NELL1: variants seen among roughly 807,000 people sequenced by gnomAD.
NELL1 encodes the protein neural EGFL like 1.
Under a neutral mutation model 107.4 loss-of-function variants are expected in NELL1, and 76 were observed. The ratio of observed to expected loss-of-function variants is 0.71; its 90% CI spans 0.59 to 0.86. NELL1 has a LOEUF of 0.86. NELL1 is among the 40% of genes least tolerant of loss of function. The probability of loss-of-function intolerance (pLI) is 0.00; values close to 1 mark genes in which losing one functional copy is unlikely to be tolerated. For missense variants in NELL1, 1,024 were observed against 1,005.5 expected (o/e 1.02, Z -0.25); for synonymous variants, 353 against 341.2 (o/e 1.03, Z -0.38).
intron 12 of NELL1, among the ~76,000 whole-genome samples, chr11:21,066,147 T>C (rs1479384405): frequency 6.6e-6 from 1 of 152,182 alleles, no homozygotes; most frequent in Non-Finnish European, 1.5e-5. Context: ...AGATGGATAT[T>C]TGAGTGATGA....
At chr11:20,922,098 G>A (rs568778298) in intron 7 of NELL1, among the ~76,000 whole-genome samples, 18 of 152,126 alleles carry the variant, frequency 1.2e-4, no homozygotes, top group Admixed American at 2.6e-4. Flanking sequence ...CTAACACTGA[G>A]GGTATCTCAT....
At position 21,143,279 on chromosome 11, in the gene NELL1, G is replaced by T. The variant is rs1282731776; in HGVS notation, c.1426+29565G>T. Among the ~76,000 whole-genome samples, 4 of 152,272 alleles carry T rather than the reference G, an allele frequency of 2.6e-5. No homozygotes were observed. The South Asian group carries it at 8.3e-4, about 32-fold the overall frequency. Reference sequence around the variant, plus strand: ...TTTATTATCATAATAGCTTGCAGGAGAATTCTTCTTAGGAATTTTTGCTTG... The same window carrying T: ...TTTATTATCATAATAGCTTGCAGGATAATTCTTCTTAGGAATTTTTGCTTG... On this transcript the variant is annotated intron_variant, in intron 13 of 19. Transcript: ENST00000357134.
chr11:21,451,185 TAAAA>T (rs35257979), intron 15 of NELL1, among the ~76,000 whole-genome samples: 1 of 101,632 alleles, frequency 9.8e-6, no homozygotes. Context: ...AGACTCCGTC[TAAAA>T]AAAAAAAAAA....
intron 3 of NELL1, among the ~76,000 whole-genome samples, chr11:20,817,471 A>T (rs1399401600): frequency 1.3e-5 from 2 of 152,070 alleles, no homozygotes; most frequent in African/African-American, 4.8e-5. Flanking sequence ...TTTCTTTGAT[A>T]TCAGTTGTTA....
intron 1 of NELL1, among the ~76,000 whole-genome samples, chr11:20,675,534 G>T (rs1032330309): frequency 2.6e-5 from 4 of 152,298 alleles, no homozygotes; most frequent in Admixed American, 2.6e-4. Context: ...GGCGACAGGG[G>T]TGCTTCCTTC....
At chr11:21,092,119 G>A (rs1474086784) in intron 12 of NELL1, among the ~76,000 whole-genome samples, 5 of 152,176 alleles carry the variant, frequency 3.3e-5, no homozygotes, top group African/African-American at 4.8e-5. Flanking sequence ...CTACTGGATG[G>A]CTTTTTCATT....
intron 14 of NELL1, among the ~76,000 whole-genome samples, chr11:21,297,942 G>A (rs1849407440): frequency 6.6e-6 from 1 of 151,774 alleles, no homozygotes; most frequent in East Asian, 1.9e-4. Context: ...GAAGAGGAGA[G>A]CAAAATAGGG....
chr11:20,828,955 T>C (rs905452687), intron 3 of NELL1, among the ~76,000 whole-genome samples: 4 of 152,182 alleles, frequency 2.6e-5, no homozygotes, highest in Admixed American at 1.3e-4. Flanking sequence ...GTCCAGAGGA[T>C]CCAGTCTTTC....
At chr11:20,744,458 C>T (rs550115219) in intron 2 of NELL1, among the ~76,000 whole-genome samples, 36 of 152,314 alleles carry the variant, frequency 2.4e-4, no homozygotes, top group African/African-American at 8.7e-4. Context: ...CATTGGTAAG[C>T]ATTTATTCTC....
chr11:21,076,118 C>T (rs1033187930), intron 12 of NELL1, among the ~76,000 whole-genome samples: 3 of 152,170 alleles, frequency 2.0e-5, no homozygotes, highest in African/African-American at 7.2e-5. Context: ...GCTGTGGAAA[C>T]GGTCTTTTAT....
At position 20,669,670 on chromosome 11, in the gene NELL1, A is replaced by G; in HGVS notation, c.-54A>G. The G allele has an allele frequency of 1.3e-6, 2 of 1,508,934 alleles. No individual in the cohort carries two copies. The highest frequency in any genetic ancestry group is 1.8e-6 in the Non-Finnish European group (2 of 1,085,680). The allele number at this position is 1,508,934 out of a possible 1,614,324, so 93.5% of individuals were successfully genotyped here. On this transcript the variant is annotated 5_prime_UTR_variant, in exon 1 of 20. Coordinates refer to ENST00000357134, the MANE Select transcript of NELL1 (RefSeq NM_006157.5). This position sits in a 1 kb window ranked among gnomAD's most constrained non-coding sequence, Gnocchi z 4.4. ...CAGGCGCGCCTCAGGATCCAGGCTC[A>G]TTTGCTTCCACCTAGCTTCGGTGCC...
intron 13 of NELL1, among the ~76,000 whole-genome samples, chr11:21,215,177 A>C (rs1857587206): frequency 6.6e-6 from 1 of 152,086 alleles, no homozygotes. Flanking sequence ...GTGCATTCTC[A>C]TGAGATCTGA....
chr11:20,868,066 G>C (rs1420188548), intron 4 of NELL1, among the ~76,000 whole-genome samples: 1 of 152,174 alleles, frequency 6.6e-6, no homozygotes, highest in Non-Finnish European at 1.5e-5. Context: ...TTTACATATA[G>C]CATCTCATTT....
intron 13 of NELL1, among the ~76,000 whole-genome samples, chr11:21,120,298 C>T (rs1317307582): frequency 6.6e-6 from 1 of 152,088 alleles, no homozygotes; most frequent in Non-Finnish European, 1.5e-5. Context: ...GCTTTACTCC[C>T]ATGATGAACT....
At chr11:21,368,660 C>A (rs1318513554) in intron 14 of NELL1, among the ~76,000 whole-genome samples, 1 of 151,930 alleles carries the variant, frequency 6.6e-6, no homozygotes, top group East Asian at 1.9e-4. Context: ...TGTTAGGAAA[C>A]AAATCAAGCA....
intron 2 of NELL1, among the ~76,000 whole-genome samples, chr11:20,685,298 T>C (rs1854280714): frequency 6.6e-6 from 1 of 152,086 alleles, no homozygotes; most frequent in South Asian, 2.1e-4. Flanking sequence ...TCATCAAATA[T>C]TCACTATAAA....
At chr11:21,542,363 A>T (rs931526529) in intron 16 of NELL1, among the ~76,000 whole-genome samples, 1 of 152,070 alleles carries the variant, frequency 6.6e-6, no homozygotes, top group Non-Finnish European at 1.5e-5. Flanking sequence ...TGATGGGCTC[A>T]TAGGTAGAGG....
intron 15 of NELL1, among the ~76,000 whole-genome samples, chr11:21,452,606 G>T (rs1370506560): frequency 6.6e-6 from 1 of 151,834 alleles, no homozygotes; most frequent in Non-Finnish European, 1.5e-5. Context: ...ATTTTCAAGG[G>T]AGCAGATTTT....
chr11:20,706,645 A>C (rs545580292), intron 2 of NELL1, among the ~76,000 whole-genome samples: 1 of 152,040 alleles, frequency 6.6e-6, no homozygotes, highest in Admixed American at 6.5e-5. Context: ...CGTTGTGCAC[A>C]TGTACCCTAA....
Sources: allele counts gnomAD v4.1 joint callset (sites outside exome capture counted in the v4.1 genomes callset), GRCh38; gene constraint gnomAD v4.1.1; non-coding constraint Gnocchi (gnomAD v3.1); transcripts MANE v1.5; gene names NCBI Gene and HGNC (gene_info 2026-07-23, HGNC 2026-07-21).